The following SLC9A8 variants were observed in gnomAD, a reference collection of about 807,000 sequenced individuals.
SLC9A8 encodes the protein sodium/hydrogen exchanger 8.
SLC9A8 carries 48 observed loss-of-function variants against 66.6 expected under a neutral mutation model. The observed-to-expected ratio is 0.72, with a 90% CI of 0.57 to 0.92. SLC9A8 has a LOEUF of 0.92. Ranked by LOEUF, SLC9A8 falls within the 40% of genes least tolerant of loss-of-function variation. The probability of loss-of-function intolerance (pLI) is 0.00; values close to 1 mark genes in which losing one functional copy is unlikely to be tolerated. For synonymous variants in SLC9A8, 274 were observed against 282.6 expected, an observed-to-expected ratio of 0.97 and a Z score of 0.31; for missense variants, 599 against 747.3, an observed-to-expected ratio of 0.80 and a Z score of 2.31.
At chr20:49,844,668 C>T (rs1022205188) in intron 4 of SLC9A8, among the ~76,000 whole-genome samples, 1 of 147,626 alleles carries the variant, frequency 6.8e-6, no homozygotes, top group Non-Finnish European at 1.5e-5. Flanking sequence ...GGCATGGTAG[C>T]ACGCACATGT....
At chr20:49,819,407 A>G (rs1283533835) in intron 2 of SLC9A8, among the ~76,000 whole-genome samples, 1 of 152,248 alleles carries the variant, frequency 6.6e-6, no homozygotes, top group African/African-American at 2.4e-5. Context: ...ATGCAGAAAC[A>G]CAAATAATAC....
rs2089829518 is a variant in SLC9A8, at chr20:49,884,757, C to T, written c.1491+691C>T. On this transcript the variant is annotated intron_variant, in intron 14 of 15. Coordinates refer to ENST00000361573, the MANE Select transcript of SLC9A8 (RefSeq NM_015266.3). Reference sequence around the variant, plus strand: ...AGCTGTAGGGAGAGCTGAGGTTCTGCAGCCTGCCCACCTCTTCTTCCTACA... The same window carrying T: ...AGCTGTAGGGAGAGCTGAGGTTCTGTAGCCTGCCCACCTCTTCTTCCTACA... Among the ~76,000 whole-genome samples, 6 of 152,194 alleles carry T rather than the reference C, an allele frequency of 3.9e-5. No individual in the cohort carries two copies. In the South Asian group the frequency reaches 1.2e-3, roughly 32 times the overall value.
At chr20:49,876,889 G>A (rs978805924) in intron 11 of SLC9A8, among the ~76,000 whole-genome samples, 3 of 152,164 alleles carry the variant, frequency 2.0e-5, no homozygotes, top group African/African-American at 7.2e-5. Context: ...AGAAGGGGGG[G>A]TAAATTCTCC....
chr20:49,840,053 G>A (rs2087699503), intron 4 of SLC9A8, among the ~76,000 whole-genome samples: 1 of 152,126 alleles, frequency 6.6e-6, no homozygotes, highest in Non-Finnish European at 1.5e-5. Context: ...TCTGGGTATT[G>A]TAATATCATC....
intron 3 of SLC9A8, chr20:49,830,322 G>A (rs761719542): frequency 1.4e-4 from 151 of 1,046,340 alleles, no homozygotes; most frequent in Non-Finnish European, 2.1e-4. Flanking sequence ...GAACCGCACT[G>A]CCAAGAAACG....
At chr20:49,871,988 C>T (rs2089226413) in intron 10 of SLC9A8, among the ~76,000 whole-genome samples, 1 of 152,204 alleles carries the variant, frequency 6.6e-6, no homozygotes, top group South Asian at 2.1e-4. Flanking sequence ...TGAGCCGAGA[C>T]TGCGCCTCTA....
intron 13 of SLC9A8, 131 bp downstream of exon 13, chr20:49,881,166 C>T (rs1358107964): frequency 6.1e-6 from 4 of 655,052 alleles, no homozygotes; most frequent in Middle Eastern, 2.9e-4. Flanking sequence ...TTTAATGGCA[C>T]CCACTGCAAT....
intron 2 of SLC9A8, 68 bp from the exon 3 acceptor site, chr20:49,822,993 G>C (rs1473881119): frequency 6.1e-6 from 8 of 1,301,526 alleles, no homozygotes; most frequent in Non-Finnish European, 7.8e-6. Context: ...CCACTGACTT[G>C]AACTTGGTGT....
rs565556989 is a variant in SLC9A8 at position 49,885,387 on chromosome 20, G to A, written c.1491+1321G>A. 3.3e-5 allele frequency among the ~76,000 whole-genome samples: 5 copies of A among 152,268 alleles called. No individual in the cohort carries two copies. In the East Asian group the frequency reaches 7.7e-4, roughly 24 times the overall value. Reference sequence around the variant, plus strand: ...ATTGCACAGGCTGAAGTGCAGTGGCGTGATCGTGGCCCACTGCAGCCCAGA... The same window carrying A: ...ATTGCACAGGCTGAAGTGCAGTGGCATGATCGTGGCCCACTGCAGCCCAGA... On this transcript the variant is annotated intron_variant, in intron 14 of 15. Transcript: ENST00000361573.
intron 12 of SLC9A8, 96 bp downstream of exon 12, chr20:49,878,159 A>AC: frequency 1.5e-6 from 1 of 689,216 alleles, no homozygotes; most frequent in Non-Finnish European, 2.3e-6. Context: ...TAACTGTTCA[A>AC]AGTCAACAGC....
At chr20:49,878,268 C>T (rs1335327905) in intron 12 of SLC9A8, among the ~76,000 whole-genome samples, 1 of 151,074 alleles carries the variant, frequency 6.6e-6, no homozygotes. Flanking sequence ...AATAAATATC[C>T]CCAGAAAGGA....
At chr20:49,834,754 T>G (rs2087463219) in intron 3 of SLC9A8, among the ~76,000 whole-genome samples, 1 of 152,258 alleles carries the variant, frequency 6.6e-6, no homozygotes, top group African/African-American at 2.4e-5. Flanking sequence ...GAATAATTAC[T>G]GATTTTCAAA....
intron 3 of SLC9A8, among the ~76,000 whole-genome samples, chr20:49,832,522 A>G (rs1009807439): frequency 6.6e-6 from 1 of 152,234 alleles, no homozygotes; most frequent in Non-Finnish European, 1.5e-5. Context: ...TTCCAAAATC[A>G]TAATTTGCAG....
chr20:49,886,510 TG>T lies in SLC9A8; in HGVS notation c.1492-240del, dbSNP rs2089897549. The T allele has an allele frequency of 2.3e-6, 1 of 439,160 alleles. No homozygotes were observed. Among genetic ancestry groups the T allele is most frequent in the Non-Finnish European group, 4.0e-6 (1 of 248,172 alleles). 27.2% of individuals were successfully genotyped at this position (439,160 alleles called of 1,614,324 possible). ...AAAGCTTAAAGACCAAGCCCCAGCC[TG>T]GCCCAGTCCTTCTGTTTTAGCTGTC... On this transcript the variant is annotated intron_variant, in intron 14 of 15. Transcript: ENST00000361573. This position sits in a 1 kb window ranked among gnomAD's most constrained non-coding sequence, Gnocchi z 4.8.
intron 7 of SLC9A8, among the ~76,000 whole-genome samples, chr20:49,855,029 G>A (rs1045135370): frequency 9.9e-5 from 15 of 152,198 alleles, no homozygotes; most frequent in African/African-American, 3.6e-4. Flanking sequence ...TGCAGGCTGG[G>A]GTCGGTCACG....
chr20:49,865,049 G>A (rs2088903257), intron 10 of SLC9A8, among the ~76,000 whole-genome samples: 1 of 152,202 alleles, frequency 6.6e-6, no homozygotes, highest in African/African-American at 2.4e-5. Flanking sequence ...AGTCACATTG[G>A]TGTCACGGTC....
rs928530391 is a variant in SLC9A8 at position 49,890,395 on chromosome 20, A to C, written c.*2459A>C. 6.6e-6 allele frequency: 1 copy of C among 152,170 alleles called. No homozygotes were observed. The highest frequency in any genetic ancestry group is 1.5e-5 in the Non-Finnish European group (1 of 68,034). 9.4% of individuals were successfully genotyped at this position (152,170 alleles called of 1,614,324 possible). On this transcript the variant is annotated 3_prime_UTR_variant, in exon 16 of 16. Coordinates refer to ENST00000361573, the MANE Select transcript of SLC9A8 (RefSeq NM_015266.3). ...ATATAAAAATACGCAGCTTAACTAT[A>C]TCTTCCTGCGTGTGTATTTATTTTC...
At chr20:49,819,943 G>A (rs2086674586) in intron 2 of SLC9A8, among the ~76,000 whole-genome samples, 1 of 152,154 alleles carries the variant, frequency 6.6e-6, no homozygotes, top group African/African-American at 2.4e-5. Flanking sequence ...TCATTCATCA[G>A]TGAACATTTG....
chr20:49,831,102 C>T, intron 3 of SLC9A8: 1 of 618,058 alleles, frequency 1.6e-6, no homozygotes, highest in Non-Finnish European at 3.0e-6. Context: ...GGACCCCCCA[C>T]CCCCAGCCCT....
Sources: allele counts gnomAD v4.1 joint callset (sites outside exome capture counted in the v4.1 genomes callset), GRCh38; gene constraint gnomAD v4.1.1; non-coding constraint Gnocchi (gnomAD v3.1); transcripts MANE v1.5; gene names NCBI Gene and HGNC (gene_info 2026-07-23, HGNC 2026-07-21).